CSGALNACT2: variants seen among roughly 807,000 people sequenced by gnomAD.
CSGALNACT2 encodes chondroitin sulfate N-acetylgalactosaminyltransferase 2.
A neutral mutation model predicts 55.3 loss-of-function variants in CSGALNACT2; 35 were observed. The observed-to-expected ratio is 0.63, with a 90% CI of 0.48 to 0.84. The LOEUF (loss-of-function observed/expected upper bound fraction) is 0.84, where lower values mean the gene tolerates loss of function less well. CSGALNACT2 is among the 40% of genes least tolerant of loss of function. The pLI is 0.00. For missense variants in CSGALNACT2, 544 were observed against 657.5 expected (o/e 0.83, Z 1.89); for synonymous variants, 196 against 224.9 (o/e 0.87, Z 1.15).
intron 1 of CSGALNACT2, among the ~76,000 whole-genome samples, chr10:43,147,782 CTT>C (rs372639057): frequency 2.6e-3 from 279 of 108,082 alleles, no homozygotes; most frequent in African/African-American, 8.5e-3. Flanking sequence ...GTCGAGTTAT[CTT>C]TTTTTTTTTT....
chr10:43,140,636 GT>G (rs1246004516), intron 1 of CSGALNACT2, among the ~76,000 whole-genome samples: 1 of 152,170 alleles, frequency 6.6e-6, no homozygotes, highest in South Asian at 2.1e-4. Context: ...CAAGTTAGTG[GT>G]TTTTTAGAGG....
At chr10:43,143,890 T>G (rs772188614) in intron 1 of CSGALNACT2, among the ~76,000 whole-genome samples, 24 of 152,224 alleles carry the variant, frequency 1.6e-4, no homozygotes, top group Admixed American at 3.3e-4. Flanking sequence ...TGATCAGTAC[T>G]TACAGACCAC....
chr10:43,180,006 C>T (rs1839559280), intron 7 of CSGALNACT2, among the ~76,000 whole-genome samples: 1 of 152,154 alleles, frequency 6.6e-6, no homozygotes, highest in South Asian at 2.1e-4. Flanking sequence ...AGGTTTTGCC[C>T]TGAGGATGGG....
chr10:43,183,275 T>G lies in CSGALNACT2; in HGVS notation c.1362T>G (p.Gly454=), dbSNP rs778625805. 6.2e-7 allele frequency: 1 copy of G among 1,613,646 alleles called. No individual in the cohort carries two copies. Among genetic ancestry groups the G allele is most frequent in the Non-Finnish European group, 8.5e-7 (1 of 1,179,564 alleles). The stretch of plus-strand genomic sequence containing the variant: ...GTGGATTTGACATGGAAGTGAAAGG[T>G]TGGGGTGGAGAAGATGTTCATCTTT... ...TIGGFDMEVK[G]WGGEDVHLYR... Residue 454 remains glycine, a synonymous_variant, in exon 8 of 8, where the codon GGT becomes GGG. Transcript: ENST00000374466.
At chr10:43,145,719 A>G (rs116352368) in intron 1 of CSGALNACT2, among the ~76,000 whole-genome samples, 1,674 of 152,140 alleles carry the variant, frequency 0.011, 36 homozygotes, top group African/African-American at 0.038. Flanking sequence ...ATTTTTCTTT[A>G]ATATAGGCAC....
At chr10:43,169,719 ATCT>A (rs1429400489) in intron 6 of CSGALNACT2, among the ~76,000 whole-genome samples, 1 of 152,360 alleles carries the variant, frequency 6.6e-6, no homozygotes, top group East Asian at 1.9e-4. Flanking sequence ...GCAGAAACAA[ATCT>A]TCTGGTGTTT....
chr10:43,156,063 A>C (rs1387180279), intron 2 of CSGALNACT2, among the ~76,000 whole-genome samples: 1 of 152,238 alleles, frequency 6.6e-6, no homozygotes, highest in Non-Finnish European at 1.5e-5. Context: ...AATAAGGACT[A>C]GGGAAATAGA....
chr10:43,142,866 G>A (rs979161467), intron 1 of CSGALNACT2, among the ~76,000 whole-genome samples: 6 of 152,128 alleles, frequency 3.9e-5, no homozygotes, highest in African/African-American at 1.4e-4. Flanking sequence ...CTTCAGGTAG[G>A]GAAGCTAAAA....
intron 4 of CSGALNACT2, chr10:43,162,636 A>G: frequency 1.0e-6 from 1 of 985,370 alleles, no homozygotes; most frequent in Non-Finnish European, 1.2e-6. Context: ...CCCATTCTGT[A>G]CTGTTGTAAG....
At chr10:43,176,868 C>A (rs1335836092) in intron 7 of CSGALNACT2, among the ~76,000 whole-genome samples, 1 of 152,132 alleles carries the variant, frequency 6.6e-6, no homozygotes, top group Non-Finnish European at 1.5e-5. Flanking sequence ...TGCCCAGCCC[C>A]TAGCTTCAGT....
intron 7 of CSGALNACT2, among the ~76,000 whole-genome samples, chr10:43,179,973 TC>T (rs1220476124): frequency 1.3e-5 from 2 of 152,148 alleles, no homozygotes; most frequent in Non-Finnish European, 2.9e-5. Context: ...GGACTTCCTC[TC>T]CCCCGGGGGA....
intron 4 of CSGALNACT2, chr10:43,162,591 T>C (rs1839175931): frequency 2.0e-6 from 2 of 985,416 alleles, no homozygotes; most frequent in Non-Finnish European, 2.4e-6. Flanking sequence ...GTCCACTCCA[T>C]GCACTATTTG....
chr10:43,170,133 A>G (rs1355887565), intron 6 of CSGALNACT2, among the ~76,000 whole-genome samples: 3 of 152,232 alleles, frequency 2.0e-5, no homozygotes. Flanking sequence ...TGTTGACATA[A>G]TAAAAAGGCA....
chr10:43,174,215 A>T lies in CSGALNACT2; in HGVS notation c.1255-1736A>T, dbSNP rs1356991166. 2.6e-5 allele frequency among the ~76,000 whole-genome samples: 4 copies of T among 152,160 alleles called. No homozygotes were observed. The East Asian group carries it at 7.7e-4, about 29-fold the overall frequency. Reference sequence around the variant, plus strand: ...TCTCCCCCTCAGCTCAAAAAAAAAAAAATTGAAAAGAAAAATGCCAAACTC... The same window carrying T: ...TCTCCCCCTCAGCTCAAAAAAAAAATAATTGAAAAGAAAAATGCCAAACTC... On this transcript the variant is annotated intron_variant, in intron 6 of 7. Coordinates refer to ENST00000374466, the MANE Select transcript of CSGALNACT2 (RefSeq NM_018590.5).
At chr10:43,141,443 C>T (rs1320197101) in intron 1 of CSGALNACT2, among the ~76,000 whole-genome samples, 3 of 151,494 alleles carry the variant, frequency 2.0e-5, no homozygotes, top group Non-Finnish European at 4.4e-5. Flanking sequence ...TCTTGATCTC[C>T]TGACCTCATG....
chr10:43,170,630 TAA>T (rs1237671740), intron 6 of CSGALNACT2, among the ~76,000 whole-genome samples: 1 of 152,216 alleles, frequency 6.6e-6, no homozygotes, highest in Non-Finnish European at 1.5e-5. Flanking sequence ...AAAGAAAAGT[TAA>T]GTCTTCCTTA....
intron 4 of CSGALNACT2, chr10:43,163,045 C>A: frequency 1.0e-6 from 1 of 985,138 alleles, no homozygotes; most frequent in Non-Finnish European, 1.2e-6. Context: ...CCTTTTCTAC[C>A]AATCTGATTT....
rs1346393231 is a variant in CSGALNACT2, at chr10:43,183,163, G to A, written c.1337-87G>A. ...TTTGCTGAACCATCCCATCCCTTTTGAAGCAGAACATTTAAAATTTTATAT... is the reference window on the plus strand; with the variant it reads ...TTTGCTGAACCATCCCATCCCTTTTAAAGCAGAACATTTAAAATTTTATAT... On this transcript the variant is annotated intron_variant, in intron 7 of 7. Coordinates refer to ENST00000374466, the MANE Select transcript of CSGALNACT2 (RefSeq NM_018590.5). The A allele has an allele frequency of 3.8e-6, 4 of 1,064,906 alleles. No individual in the cohort carries two copies. The Admixed American group carries it at 5.8e-5, about 15-fold the overall frequency. 66.0% of individuals were successfully genotyped at this position (1,064,906 alleles called of 1,614,324 possible).
chr10:43,165,709 G>C (rs1163329563), intron 5 of CSGALNACT2, among the ~76,000 whole-genome samples: 1 of 152,168 alleles, frequency 6.6e-6, no homozygotes, highest in African/African-American at 2.4e-5. Flanking sequence ...GTATTAAAGA[G>C]GCTGGGCGTG....
Sources: gnomAD v4.1 joint callset for allele counts (sites outside exome capture counted in the v4.1 genomes callset) on GRCh38, gnomAD v4.1.1 for gene constraint, MANE v1.5 for transcripts, NCBI Gene and HGNC (gene_info 2026-07-23, HGNC 2026-07-21) for gene names.